Variants in NXPH1 observed in about 807,000 individuals in gnomAD.
NXPH1 encodes neurexophilin 1, also known as neurexophilin-1.
Under a neutral mutation model 23.7 loss-of-function variants are expected in NXPH1, and 5 were observed. The observed-to-expected ratio is 0.21, with a 90% CI of 0.11 to 0.44. The LOEUF (loss-of-function observed/expected upper bound fraction) is 0.44. NXPH1 is among the 20% of genes least tolerant of loss of function. NXPH1 has a pLI of 0.99. For synonymous variants in NXPH1, 144 were observed against 122.2 expected, an observed-to-expected ratio of 1.18 and a Z score of -1.18; for missense variants, 324 against 321.6, an observed-to-expected ratio of 1.01 and a Z score of -0.06.
rs964403449 is a variant in NXPH1 at position 8,471,866 on chromosome 7, T to C, written c.54+36099T>C. The stretch of plus-strand genomic sequence containing the variant: ...TTAAAATAACAAGTTACAAAAACAG[T>C]AGGTAGAGTATAATCTCATGGTAAA... On this transcript the variant is annotated intron_variant, in intron 2 of 2. Coordinates refer to ENST00000405863, the MANE Select transcript of NXPH1 (RefSeq NM_152745.3). 3.9e-5 allele frequency among the ~76,000 whole-genome samples: 6 copies of C among 152,122 alleles called. No individual in the cohort carries two copies. In the South Asian group the frequency reaches 1.2e-3, roughly 32 times the overall value.
chr7:8,550,006 ATG>A (rs1562399246), intron 2 of NXPH1, among the ~76,000 whole-genome samples: 2 of 151,696 alleles, frequency 1.3e-5, no homozygotes, highest in East Asian at 3.9e-4. Context: ...GGTGATATAT[ATG>A]TCTTATTTTG....
At chr7:8,467,388 A>C (rs1484588463) in intron 2 of NXPH1, among the ~76,000 whole-genome samples, 1 of 152,192 alleles carries the variant, frequency 6.6e-6, no homozygotes, top group East Asian at 1.9e-4. Context: ...TATAGTTGGC[A>C]TATGATTTAC....
At chr7:8,438,551 C>A (rs555610355) in intron 2 of NXPH1, among the ~76,000 whole-genome samples, 5 of 152,210 alleles carry the variant, frequency 3.3e-5, no homozygotes, top group African/African-American at 7.2e-5. Flanking sequence ...TGCACCTTGA[C>A]CTTTAAGCCC....
At chr7:8,493,695 T>C (rs1325064468) in intron 2 of NXPH1, among the ~76,000 whole-genome samples, 1 of 152,102 alleles carries the variant, frequency 6.6e-6, no homozygotes, top group Non-Finnish European at 1.5e-5. Flanking sequence ...AAAATGTTCA[T>C]GTATCTGTGA....
chr7:8,607,438 C>T (rs577500465), intron 2 of NXPH1, among the ~76,000 whole-genome samples: 1 of 152,230 alleles, frequency 6.6e-6, no homozygotes, highest in African/African-American at 2.4e-5. Flanking sequence ...TTTCCATCAA[C>T]TAGACTAATG....
intron 2 of NXPH1, among the ~76,000 whole-genome samples, chr7:8,722,467 G>T (rs1210826103): frequency 6.6e-6 from 1 of 152,142 alleles, no homozygotes; most frequent in African/African-American, 2.4e-5. Flanking sequence ...TCAGATAAAA[G>T]CCTGGGAAGA....
At chr7:8,621,280 C>T (rs1434308192) in intron 2 of NXPH1, among the ~76,000 whole-genome samples, 1 of 152,012 alleles carries the variant, frequency 6.6e-6, no homozygotes, top group Admixed American at 6.6e-5. Context: ...GAAGTCTGTC[C>T]AGGAGCTGCA....
At chr7:8,596,431 A>G (rs1178251535) in intron 2 of NXPH1, among the ~76,000 whole-genome samples, 2 of 152,144 alleles carry the variant, frequency 1.3e-5, no homozygotes, top group African/African-American at 4.8e-5. Flanking sequence ...AATGGCCCAC[A>G]AAATCTAACA....
intron 2 of NXPH1, among the ~76,000 whole-genome samples, chr7:8,688,613 C>A (rs1821182696): frequency 6.6e-6 from 1 of 152,138 alleles, no homozygotes; most frequent in Admixed American, 6.6e-5. Flanking sequence ...GATGTTTTAG[C>A]TTAGTGTGTT....
intron 2 of NXPH1, among the ~76,000 whole-genome samples, chr7:8,660,956 CTT>C (rs78990589): frequency 7.2e-5 from 10 of 139,392 alleles, no homozygotes; most frequent in Admixed American, 7.4e-5. Context: ...TATATCATTC[CTT>C]TTTTTTTTTT....
intron 2 of NXPH1, among the ~76,000 whole-genome samples, chr7:8,675,346 T>A (rs1562451093): frequency 6.6e-6 from 1 of 152,080 alleles, no homozygotes; most frequent in Non-Finnish European, 1.5e-5. Context: ...TATTCTAATT[T>A]TTAGGCATAA....
rs771184860 is a variant in NXPH1, at chr7:8,503,296, G to T, written c.54+67529G>T. On this transcript the variant is annotated intron_variant, in intron 2 of 2. Transcript: ENST00000405863. ...ACAACTTGCACAAGGAAGGTCACAGGAGTAATAAGGAGCAGAGCTAGGGTT... is the reference window on the plus strand; with the variant it reads ...ACAACTTGCACAAGGAAGGTCACAGTAGTAATAAGGAGCAGAGCTAGGGTT... Among the ~76,000 whole-genome samples, 140 of 152,124 alleles carry T rather than the reference G, an allele frequency of 9.2e-4. 1 individual carries two copies. Among genetic ancestry groups the T allele is most frequent in the Middle Eastern group, 3.4e-3 (1 of 294 alleles).
chr7:8,498,234 C>T (rs889703789), intron 2 of NXPH1, among the ~76,000 whole-genome samples: 2 of 152,034 alleles, frequency 1.3e-5, no homozygotes, highest in African/African-American at 4.8e-5. Flanking sequence ...GATCATTTAA[C>T]TTTCATTATC....
chr7:8,538,754 A>G (rs1818066595), intron 2 of NXPH1, among the ~76,000 whole-genome samples: 1 of 151,944 alleles, frequency 6.6e-6, no homozygotes, highest in Non-Finnish European at 1.5e-5. Context: ...AAAATATATC[A>G]ATTCAAATGT....
At chr7:8,544,801 T>C (rs1189419646) in intron 2 of NXPH1, among the ~76,000 whole-genome samples, 2 of 151,632 alleles carry the variant, frequency 1.3e-5, no homozygotes, top group East Asian at 3.9e-4. Context: ...GCATTTGTTT[T>C]GCAGAATTTT....
Position 8,435,525 on chromosome 7 carries a change from C to T in NXPH1, c.-110-79C>T, listed in dbSNP as rs1274764538. On this transcript the variant is annotated intron_variant, in intron 1 of 2. Coordinates refer to ENST00000405863, the MANE Select transcript of NXPH1 (RefSeq NM_152745.3). This position sits in a 1 kb window ranked among gnomAD's most constrained non-coding sequence, Gnocchi z 5.9. ...TTTTTTGGTCCCCCACTCCCCGCTA[C>T]GACCCCCTTTCCCCGCTTGATTGTC... is the stretch of plus-strand genomic sequence containing the variant. The T allele has an allele frequency of 3.6e-6, 2 of 548,954 alleles. No homozygotes were observed. The highest frequency in any genetic ancestry group is 3.3e-6 in the Non-Finnish European group (1 of 303,346). The allele number at this position is 548,954 out of a possible 1,614,324, so 34.0% of individuals were successfully genotyped here. A position where few individuals can be genotyped will look rare whatever the true frequency, so the allele number is the denominator to read the frequency against.
At chr7:8,495,696 C>T (rs907339329) in intron 2 of NXPH1, among the ~76,000 whole-genome samples, 1 of 151,954 alleles carries the variant, frequency 6.6e-6, no homozygotes, top group Non-Finnish European at 1.5e-5. Context: ...ATGGGTGTTA[C>T]CTCCTCTGCC....
chr7:8,728,427 G>A lies in NXPH1; in HGVS notation c.55-22581G>A, dbSNP rs978109399. ...TCCCTGTCTTGTGCCAGTTTTCAAA[G>A]GGAGTGCTTCCAGTTTTTGCCCATT... On this transcript the variant is annotated intron_variant, in intron 2 of 2. Coordinates refer to ENST00000405863, the MANE Select transcript of NXPH1 (RefSeq NM_152745.3). Among the ~76,000 whole-genome samples the A allele has an allele frequency of 2.1e-4, 32 of 152,274 alleles. No individual in the cohort carries two copies. In the Middle Eastern group the frequency reaches 0.01, roughly 49 times the overall value.
At chr7:8,509,412 T>C (rs374565009) in intron 2 of NXPH1, among the ~76,000 whole-genome samples, 1 of 152,270 alleles carries the variant, frequency 6.6e-6, no homozygotes, top group African/African-American at 2.4e-5. Context: ...ACTTGTGCCC[T>C]GTCATAGAGA....
Sources: allele counts gnomAD v4.1 joint callset (sites outside exome capture counted in the v4.1 genomes callset), GRCh38; gene constraint gnomAD v4.1.1; non-coding constraint Gnocchi (gnomAD v3.1); transcripts MANE v1.5; gene names NCBI Gene and HGNC (gene_info 2026-07-23, HGNC 2026-07-21).